The following NSD1 variants were observed in gnomAD, a reference collection of about 807,000 sequenced individuals.
NSD1 encodes the protein nuclear receptor binding SET domain protein 1, also known as histone-lysine N-methyltransferase, H3 lysine-36 specific.
A neutral mutation model predicts 242.7 loss-of-function variants in NSD1; 26 were observed. The observed-to-expected ratio is 0.11, with a 90% CI of 0.08 to 0.15. NSD1 has a LOEUF of 0.15. NSD1 is among the 10% of genes least tolerant of loss of function. The pLI, the probability that NSD1 is intolerant of heterozygous loss-of-function variation, is 1.00. For missense variants in NSD1, 2,495 were observed against 3,272.8 expected (o/e 0.76, Z 5.80); for synonymous variants, 1,106 against 1,178.1 (o/e 0.94, Z 1.25).
chr5:177,136,049 A>G lies in NSD1; in HGVS notation c.927+19A>G. 6.3e-7 allele frequency: 1 copy of G among 1,596,058 alleles called. No homozygotes were observed. Among genetic ancestry groups the G allele is most frequent in the Non-Finnish European group, 8.6e-7 (1 of 1,164,102 alleles). On this transcript the variant is annotated intron_variant, in intron 2 of 22. Transcript: ENST00000439151. ...GCCATTTGTAAGCAGTTTTTGGTAC[A>G]ACTTAAATATATACATATATGTATA...
At chr5:177,133,000 C>G (rs1028143211), upstream of NSD1, 1 of 152,956 alleles carries the variant, frequency 6.5e-6, no homozygotes, top group Non-Finnish European at 1.5e-5. This position sits in a 1 kb window ranked among gnomAD's most constrained non-coding sequence, Gnocchi z 7.5. Flanking sequence ...GAGGCAGACC[C>G]GAGCTGCTGC....
At chr5:177,224,738 A>G (rs1764507955) in intron 5 of NSD1, among the ~76,000 whole-genome samples, 2 of 151,404 alleles carry the variant, frequency 1.3e-5, no homozygotes, top group South Asian at 4.2e-4. Context: ...ACTAGTGGAA[A>G]AAGCAGACAT....
chr5:177,164,040 G>A (rs1758969536), intron 2 of NSD1, among the ~76,000 whole-genome samples: 1 of 151,628 alleles, frequency 6.6e-6, no homozygotes, highest in Non-Finnish European at 1.5e-5. Flanking sequence ...CTAGAAATTT[G>A]ATTACTTGTA....
At chr5:177,175,182 C>T (rs982386702) in intron 2 of NSD1, among the ~76,000 whole-genome samples, 2 of 152,044 alleles carry the variant, frequency 1.3e-5, no homozygotes, top group African/African-American at 4.8e-5. Flanking sequence ...GACTTTTAAG[C>T]CATTGTATTT....
intron 2 of NSD1, among the ~76,000 whole-genome samples, chr5:177,186,733 A>G (rs1761264995): frequency 6.6e-6 from 1 of 152,162 alleles, no homozygotes; most frequent in South Asian, 2.1e-4. Flanking sequence ...TCAGGCCTAT[A>G]ATGCCAGCAC....
rs1212927375 is a variant in NSD1, at chr5:177,210,421, C to T, written c.2022C>T (p.Asn674=). ...EIPDAFDRTE[N]MLSMQKNEKI... is the part of the protein sequence containing the mutation. ...CAGATGCTTTCGATAGAACAGAGAA[C>T]ATGTTATCTATGCAGAAAAATGAAA... Residue 674 remains asparagine (N), a synonymous_variant, in exon 5 of 23, where the codon AAC becomes AAT. Coordinates refer to ENST00000439151, the MANE Select transcript of NSD1 (RefSeq NM_022455.5). The T allele has an allele frequency of 6.2e-7, 1 of 1,614,118 alleles. No homozygotes were observed. Among genetic ancestry groups the T allele is most frequent in the Non-Finnish European group, 8.5e-7 (1 of 1,180,006 alleles).
intron 14 of NSD1, among the ~76,000 whole-genome samples, chr5:177,261,477 T>C (rs778526124): frequency 1.3e-5 from 2 of 152,054 alleles, no homozygotes; most frequent in Non-Finnish European, 2.9e-5. Flanking sequence ...GACAACTTGA[T>C]TTTTGCTAGT....
intron 2 of NSD1, among the ~76,000 whole-genome samples, chr5:177,142,950 G>T (rs192362893): frequency 6.6e-6 from 1 of 152,212 alleles, no homozygotes; most frequent in Admixed American, 6.6e-5. Context: ...AACTCTTAAT[G>T]GTCCCTTGCT....
Position 177,266,280 on chromosome 5 carries a change from A to C in NSD1, c.5147-1282A>C, listed in dbSNP as rs879065358. The C allele has an allele frequency of 5.4e-6, 4 of 744,904 alleles. No individual in the cohort carries two copies. The East Asian group carries it at 1.1e-4, about 20-fold the overall frequency. 46.1% of individuals were successfully genotyped at this position (744,904 alleles called of 1,614,324 possible). ...ACCTTCCCCTTGGTGATGGTCACCA[A>C]GTGGTCTAACTTGTTGGCTTTGACA... is the stretch of plus-strand genomic sequence containing the variant. On this transcript the variant is annotated intron_variant, in intron 14 of 22. Transcript: ENST00000439151.
intron 2 of NSD1, among the ~76,000 whole-genome samples, chr5:177,157,259 G>A (rs969325278): frequency 2.6e-5 from 4 of 151,952 alleles, no homozygotes; most frequent in Non-Finnish European, 4.4e-5. Context: ...CCAGCTACTC[G>A]GGAGGCTGAG....
chr5:177,266,156 A>T, intron 14 of NSD1: 2 of 1,085,510 alleles, frequency 1.8e-6, no homozygotes, highest in Non-Finnish European at 2.9e-6. Flanking sequence ...GTCCGGGCAT[A>T]GAGCACAGTG....
chr5:177,184,389 ATTC>A (rs1760930264), intron 2 of NSD1, among the ~76,000 whole-genome samples: 1 of 152,034 alleles, frequency 6.6e-6, no homozygotes, highest in African/African-American at 2.4e-5. Context: ...ACCTTGTCAT[ATTC>A]TTGTTTGCCA....
At chr5:177,293,755 G>C in intron 22 of NSD1, 77 bp from the exon 23 acceptor site, 1 of 1,523,620 alleles carries the variant, frequency 6.6e-7, no homozygotes, top group Non-Finnish European at 9.1e-7. Context: ...CCACACCTTC[G>C]GACTGTAGCA....
rs1279262788 is a variant in NSD1, at chr5:177,238,885, C to T, written c.4192+378C>T. On this transcript the variant is annotated intron_variant, in intron 7 of 22. Coordinates refer to ENST00000439151, the MANE Select transcript of NSD1 (RefSeq NM_022455.5). The surrounding 1 kb of genome is among the most constrained non-coding windows in gnomAD (Gnocchi z 4.6). ...TGTGTTACTTGGGAAGTTGTTTAAT[C>T]TCTGAACTTGTTTCCTCATCTATAA... Among the ~76,000 whole-genome samples, 1 of 152,210 alleles carries T rather than the reference C, an allele frequency of 6.6e-6. No homozygotes were observed. The highest frequency in any genetic ancestry group is 1.5e-5 in the Non-Finnish European group (1 of 68,028).
At chr5:177,152,283 G>C (rs1342721201) in intron 2 of NSD1, among the ~76,000 whole-genome samples, 1 of 151,874 alleles carries the variant, frequency 6.6e-6, no homozygotes, top group Non-Finnish European at 1.5e-5. Flanking sequence ...TGGGATTACA[G>C]GTGTGAGCCA....
At chr5:177,174,060 T>C (rs1759959232) in intron 2 of NSD1, among the ~76,000 whole-genome samples, 1 of 152,038 alleles carries the variant, frequency 6.6e-6, no homozygotes, top group Non-Finnish European at 1.5e-5. Context: ...TTCTCCTCCT[T>C]GGTCGTCAGA....
At position 177,210,866 on chromosome 5, in the gene NSD1, C is replaced by T; in HGVS notation, c.2467C>T (p.Pro823Ser). 1.2e-6 allele frequency: 2 copies of T among 1,614,164 alleles called. No homozygotes were observed. The highest frequency in any genetic ancestry group is 1.7e-6 in the Non-Finnish European group (2 of 1,180,032). The stretch of plus-strand genomic sequence containing the variant: ...CTGCTCTTCTGATACCAAAGGCTCT[C>T]CTTTGGCCAGCATTTCTAAAAGTGG... The part of the protein sequence containing the change: ...KCCSSDTKGS[P>S]LASISKSGKV... The change falls in exon 5 of 23, where the codon CCT (proline) becomes TCT (serine). Residue 823 changes from proline to serine, a missense_variant. This residue lies in a region of NSD1 where 515 missense variants were observed against 467.0 expected (regional missense o/e 1.10). Coordinates refer to ENST00000439151, the MANE Select transcript of NSD1 (RefSeq NM_022455.5).
intron 13 of NSD1, 53 bp downstream of exon 13, chr5:177,257,204 C>T (rs1293757662): frequency 2.3e-6 from 3 of 1,291,398 alleles, no homozygotes; most frequent in African/African-American, 2.9e-5. Flanking sequence ...GTTTAATTGG[C>T]AACAGATATT....
At chr5:177,258,258 G>C (rs1163206465) in intron 13 of NSD1, among the ~76,000 whole-genome samples, 3 of 151,864 alleles carry the variant, frequency 2.0e-5, no homozygotes, top group South Asian at 2.1e-4. Flanking sequence ...GGGATTACAG[G>C]TGTGAGCCAC....
Sources: gnomAD v4.1 joint callset for allele counts (sites outside exome capture counted in the v4.1 genomes callset) on GRCh38, gnomAD v4.1.1 for gene constraint, gnomAD v4.1.1 regional missense constraint, Gnocchi (gnomAD v3.1) non-coding constraint, MANE v1.5 for transcripts, NCBI Gene and HGNC (gene_info 2026-07-23, HGNC 2026-07-21) for gene names.